NEO1: variants seen among roughly 807,000 people sequenced by gnomAD.
NEO1 encodes neogenin.
Under a neutral mutation model 159.7 loss-of-function variants are expected in NEO1, and 63 were observed. That is an observed-to-expected ratio of 0.39 (90% CI 0.32 to 0.49). The LOEUF (loss-of-function observed/expected upper bound fraction) is 0.49. NEO1 is among the 20% of genes least tolerant of loss of function. The pLI is 0.85. For synonymous variants in NEO1, 633 were observed against 662.0 expected, an observed-to-expected ratio of 0.96 and a Z score of 0.67; for missense variants, 1,615 against 1,831.0, an observed-to-expected ratio of 0.88 and a Z score of 2.15.
intron 7 of NEO1, among the ~76,000 whole-genome samples, chr15:73,179,339 T>C (rs967001641): frequency 1.3e-5 from 2 of 152,114 alleles, no homozygotes; most frequent in Non-Finnish European, 2.9e-5. Context: ...CCAGACCCTG[T>C]TGGAGAGGGT....
Position 73,052,704 on chromosome 15 carries a change from T to C in NEO1, c.29T>C (p.Leu10Pro), listed in dbSNP as rs749873069. The C allele has an allele frequency of 1.9e-5, 26 of 1,350,634 alleles. No individual in the cohort carries two copies. The African/African-American group carries it at 4.0e-4, about 21-fold the overall frequency. The allele number at this position is 1,350,634 out of a possible 1,614,324, so 83.7% of individuals were successfully genotyped here. A position where few individuals can be genotyped will look rare whatever the true frequency, so the allele number is the denominator to read the frequency against. ...GCGGCGGAGCGGGGAGCCCGGCGAC[T>C]CCTCAGCACCCCCTCCTTCTGGCTC... MAAERGARR[L>P]LSTPSFWLYC... The change falls in exon 1 of 29, where the codon CTC becomes CCC. Residue 10 changes from leucine (L) to proline (P), a missense_variant. By Grantham distance (98) the Leu-to-Pro change is moderately conservative. This residue lies in a region of NEO1 where 1,018 missense variants were observed against 1,115.4 expected (regional missense o/e 0.91). Transcript: ENST00000261908.
chr15:73,153,330 A>T (rs995598261), intron 5 of NEO1, among the ~76,000 whole-genome samples: 3 of 152,198 alleles, frequency 2.0e-5, no homozygotes, highest in African/African-American at 7.2e-5. Flanking sequence ...AAGTTGACAC[A>T]TAAAATTTAC....
At chr15:73,218,929 C>G (rs2038065742) in intron 7 of NEO1, among the ~76,000 whole-genome samples, 1 of 152,082 alleles carries the variant, frequency 6.6e-6, no homozygotes, top group African/African-American at 2.4e-5. Context: ...TCCTTCAGTT[C>G]TGCTCTGATT....
intron 2 of NEO1, among the ~76,000 whole-genome samples, chr15:73,119,276 A>G (rs1008123146): frequency 5.3e-5 from 8 of 151,930 alleles, no homozygotes; most frequent in South Asian, 2.1e-4. Flanking sequence ...TATAAATTAC[A>G]TCTCAATAAA....
chr15:73,091,884 C>T (rs1207228989), intron 1 of NEO1, among the ~76,000 whole-genome samples: 4 of 151,990 alleles, frequency 2.6e-5, no homozygotes, highest in Non-Finnish European at 1.5e-5. Context: ...ACCTCAGCCT[C>T]CCAAAGTGCT....
chr15:73,278,275 T>C lies in NEO1; in HGVS notation c.3262+76T>C, dbSNP rs1013057560. On this transcript the variant is annotated intron_variant, in intron 22 of 28. Coordinates refer to ENST00000261908, the MANE Select transcript of NEO1 (RefSeq NM_002499.4). ...TTGCTTAAATTTTTGAAATGTCCTT[T>C]ATAGCTTGTGTGTGGTGGGTTGTAG... 15 of 1,333,566 alleles carry C rather than the reference T, an allele frequency of 1.1e-5. No individual in the cohort carries two copies. The South Asian group carries it at 1.5e-4, about 13-fold the overall frequency. The allele number at this position is 1,333,566 out of a possible 1,614,324, so 82.6% of individuals were successfully genotyped here. A position where few individuals can be genotyped will look rare whatever the true frequency, so the allele number is the denominator to read the frequency against.
chr15:73,258,961 G>T lies in NEO1; in HGVS notation c.2203+85G>T, dbSNP rs2040491529. ...CAAACTGGAAAGCCACAGACTTGGG[G>T]TGGATATGGCTCAAGTCTGTGAACT... On this transcript the variant is annotated intron_variant, in intron 14 of 28. Coordinates refer to ENST00000261908, the MANE Select transcript of NEO1 (RefSeq NM_002499.4). 3 of 1,147,538 alleles carry T rather than the reference G, an allele frequency of 2.6e-6. No individual in the cohort carries two copies. The Admixed American group carries it at 5.5e-5, about 21-fold the overall frequency. 71.1% of individuals were successfully genotyped at this position (1,147,538 alleles called of 1,614,324 possible). A position where few individuals can be genotyped will look rare whatever the true frequency, so the allele number is the denominator to read the frequency against.
chr15:73,080,563 T>C (rs912699131), intron 1 of NEO1, among the ~76,000 whole-genome samples: 7 of 152,106 alleles, frequency 4.6e-5, no homozygotes, highest in African/African-American at 1.4e-4. Context: ...AAATTATATA[T>C]GCTTCAAATT....
At chr15:73,095,125 C>G (rs772592188) in intron 1 of NEO1, among the ~76,000 whole-genome samples, 6 of 151,794 alleles carry the variant, frequency 4.0e-5, no homozygotes, top group Non-Finnish European at 8.8e-5. Context: ...AGGAGAATTG[C>G]TTGAACCCAG....
chr15:73,065,802 A>AATTC (rs1168832657), intron 1 of NEO1, among the ~76,000 whole-genome samples: 3 of 152,014 alleles, frequency 2.0e-5, no homozygotes, highest in Admixed American at 6.6e-5. Flanking sequence ...TTCTGAATTA[A>AATTC]ATTCCATTAG....
rs1374673676 is a variant in NEO1, at chr15:73,298,372, C to T, written c.3926C>T (p.Thr1309Ile). ...STESVRNTPS[T>I]DTMPASSSQT... ...GAATCCGTTCGAAATACCCCCAGCA[C>T]TGACACCATGCCAGCCTCTTCGTCT... The change falls in exon 27 of 29, where the codon ACT becomes ATT. Residue 1309 changes from threonine to isoleucine, a missense_variant. Transcript: ENST00000261908. 1.2e-6 allele frequency: 2 copies of T among 1,614,248 alleles called. No homozygotes were observed. Among genetic ancestry groups the T allele is most frequent in the Middle Eastern group, 1.6e-4 (1 of 6,062 alleles).
intron 5 of NEO1, among the ~76,000 whole-genome samples, chr15:73,169,850 G>C (rs1567374006): frequency 1.3e-5 from 2 of 151,892 alleles, no homozygotes; most frequent in Admixed American, 1.3e-4. Context: ...ATCTAAATAA[G>C]AGGATTGGGG....
intron 1 of NEO1, among the ~76,000 whole-genome samples, chr15:73,076,765 T>C (rs1040066734): frequency 6.6e-6 from 1 of 152,220 alleles, no homozygotes. Flanking sequence ...ACATTTATTT[T>C]GCTACTGCTC....
chr15:73,117,176 C>T (rs2071374419), intron 2 of NEO1, among the ~76,000 whole-genome samples: 1 of 152,130 alleles, frequency 6.6e-6, no homozygotes, highest in Non-Finnish European at 1.5e-5. Context: ...CTTTGACGGC[C>T]AACTTCTATC....
intron 7 of NEO1, among the ~76,000 whole-genome samples, chr15:73,215,595 C>G (rs114709386): frequency 1.3e-5 from 2 of 152,120 alleles, no homozygotes; most frequent in East Asian, 3.8e-4. Context: ...AATTCACTTG[C>G]GTATGTTAAA....
Position 73,106,444 on chromosome 15 carries a change from G to A in NEO1, c.131-10096G>A, listed in dbSNP as rs148455745. Among the ~76,000 whole-genome samples the A allele has an allele frequency of 7.8e-4, 119 of 152,204 alleles. 1 individual carries two copies. Among genetic ancestry groups the A allele is most frequent in the African/African-American group, 2.7e-3 (113 of 41,544 alleles). On this transcript the variant is annotated intron_variant, in intron 1 of 28. Coordinates refer to ENST00000261908, the MANE Select transcript of NEO1 (RefSeq NM_002499.4). Reference sequence around the variant, plus strand: ...GAATATATCCAAAATATTTTAACACGTAATTAGTATAAAAATTGTTGATGA... The same window carrying A: ...GAATATATCCAAAATATTTTAACACATAATTAGTATAAAAATTGTTGATGA...
At position 73,223,291 on chromosome 15, in the gene NEO1, A is replaced by AT. The variant is rs1176249945; in HGVS notation, c.1292-13056_1292-13055insT. ...ATGAAATGTTCTGTATATATCTGTT[A>AT]AGTCCATTTGTTCCAAGGTATAGTT... On this transcript the variant is annotated intron_variant, in intron 7 of 28. Transcript: ENST00000261908. Among the ~76,000 whole-genome samples, 124 of 152,222 alleles carry AT rather than the reference A, an allele frequency of 8.1e-4. 2 individuals are homozygous for AT. The South Asian group carries it at 0.018, about 22-fold the overall frequency.
intron 22 of NEO1, 115 bp from the exon 23 acceptor site, chr15:73,282,849 A>T: frequency 8.0e-7 from 1 of 1,256,926 alleles, no homozygotes; most frequent in Non-Finnish European, 1.1e-6. Context: ...TATATAAGTC[A>T]GAGCAATGAG....
intron 23 of NEO1, among the ~76,000 whole-genome samples, chr15:73,286,655 G>C (rs2041960549): frequency 6.6e-6 from 1 of 152,266 alleles, no homozygotes; most frequent in South Asian, 2.1e-4. Context: ...TTCAAATTCA[G>C]CATGTCCAGA....
Sources: gnomAD v4.1 joint callset for allele counts (sites outside exome capture counted in the v4.1 genomes callset) on GRCh38, gnomAD v4.1.1 for gene constraint, gnomAD v4.1.1 regional missense constraint, MANE v1.5 for transcripts, NCBI Gene and HGNC (gene_info 2026-07-23, HGNC 2026-07-21) for gene names.